The following CDH4 variants were observed in gnomAD, a reference collection of about 807,000 sequenced individuals.
The protein encoded by CDH4 is cadherin-4.
A neutral mutation model predicts 86.0 loss-of-function variants in CDH4; 33 were observed. The observed-to-expected ratio is 0.38, with a 90% CI of 0.29 to 0.51. CDH4 has a LOEUF of 0.51. Among genes scored for constraint, CDH4 ranks in the 20% least tolerant of loss-of-function variants. The pLI is 0.86. For missense variants in CDH4, 1,114 were observed against 1,307.4 expected (o/e 0.85, Z 2.28); for synonymous variants, 555 against 549.4 (o/e 1.01, Z -0.14).
intron 2 of CDH4, among the ~76,000 whole-genome samples, chr20:61,302,969 C>T (rs1174165493): frequency 6.6e-6 from 1 of 152,140 alleles, no homozygotes; most frequent in Admixed American, 6.5e-5. Context: ...ACAGGTGCCT[C>T]CAGAGGCTAG....
At position 61,933,021 on chromosome 20, in the gene CDH4, G is replaced by A. The variant is rs770629902; in HGVS notation, c.2276G>A (p.Arg759Gln). The A allele has an allele frequency of 3.2e-5, 51 of 1,613,192 alleles. No homozygotes were observed. Among genetic ancestry groups the A allele is most frequent in the Non-Finnish European group, 4.1e-5 (48 of 1,180,022 alleles). ...VLLFVMWMKR[R>Q]EKERHTKQLL... ...CTGTTTGTCATGTGGATGAAGCGGC[G>A]AGAGAAGGAGCGCCACACGAAGCAG... The change falls in exon 14 of 16, where the codon CGA becomes CAA. Residue 759 changes from arginine (R) to glutamine (Q), a missense_variant. This residue lies in a region of CDH4 where 705 missense variants were observed against 914.1 expected (regional missense o/e 0.77). Transcript: ENST00000614565.
At chr20:61,828,353 C>G (rs1450489078) in intron 4 of CDH4, among the ~76,000 whole-genome samples, 1 of 152,194 alleles carries the variant, frequency 6.6e-6, no homozygotes. Flanking sequence ...CTGGATCTTA[C>G]CACCATGTGT....
Position 61,296,189 on chromosome 20 carries a change from C to T in CDH4, c.169+41252C>T, listed in dbSNP as rs185543850. Among the ~76,000 whole-genome samples, 1,043 of 143,166 alleles carry T rather than the reference C, an allele frequency of 7.3e-3. 13 individuals are homozygous for T. Among genetic ancestry groups the T allele is most frequent in the African/African-American group, 0.027 (981 of 36,606 alleles). 93.9% of individuals were successfully genotyped at this position (143,166 alleles called of 152,430 possible). On this transcript the variant is annotated intron_variant, in intron 2 of 15. Coordinates refer to ENST00000614565, the MANE Select transcript of CDH4 (RefSeq NM_001794.5). ...TTGTCGAAATAAGTATGAGTGTGTGCGTGTGTGTGTGTGAGAGAGAGACCT... is the reference window on the plus strand; with the variant it reads ...TTGTCGAAATAAGTATGAGTGTGTGTGTGTGTGTGTGTGAGAGAGAGACCT...
At chr20:61,583,010 C>T (rs534822038) in intron 2 of CDH4, among the ~76,000 whole-genome samples, 4 of 152,024 alleles carry the variant, frequency 2.6e-5, no homozygotes, top group South Asian at 2.1e-4. Flanking sequence ...CTGGGCACTG[C>T]GCATGAGAGA....
intron 6 of CDH4, among the ~76,000 whole-genome samples, chr20:61,872,208 G>A (rs1490302349): frequency 5.9e-5 from 9 of 152,230 alleles, no homozygotes; most frequent in Admixed American, 5.9e-4. Flanking sequence ...CACAGGGACA[G>A]CATGGACCCA....
intron 2 of CDH4, among the ~76,000 whole-genome samples, chr20:61,689,697 G>C (rs2087629962): frequency 6.6e-6 from 1 of 151,472 alleles, no homozygotes; most frequent in Non-Finnish European, 1.5e-5. Context: ...AATCAGGCTG[G>C]GACAGTGATT....
chr20:61,910,476 G>T lies in CDH4; in HGVS notation c.1243G>T (p.Val415Leu). The T allele has an allele frequency of 1.2e-6, 2 of 1,613,964 alleles. No homozygotes were observed. Among genetic ancestry groups the T allele is most frequent in the Non-Finnish European group, 1.7e-6 (2 of 1,180,040 alleles). ...RVETVVANLT[V>L]MDRDQPHSPN... ...GGAGACCGTGGTCGCAAACCTCACG[G>T]TGATGGACCGAGATCAGCCCCACTC... Residue 415 changes from valine to leucine, a missense_variant, in exon 9 of 16, where the codon GTG becomes TTG. By Grantham distance (32) the Val-to-Leu change is conservative (BLOSUM62 1). Around this residue, in one of 3 missense-constraint regions of CDH4, gnomAD observed 705 missense variants for 914.1 expected, o/e 0.77. Transcript: ENST00000614565.
chr20:61,704,136 C>T (rs559075456), intron 2 of CDH4, among the ~76,000 whole-genome samples: 1 of 152,198 alleles, frequency 6.6e-6, no homozygotes, highest in East Asian at 1.9e-4. Context: ...GGGGTCAGGA[C>T]AGTCCTCGGC....
At chr20:61,743,273 A>G (rs1212254576) in intron 2 of CDH4, among the ~76,000 whole-genome samples, 1 of 152,274 alleles carries the variant, frequency 6.6e-6, no homozygotes, top group African/African-American at 2.4e-5. Context: ...GAATTCGGAG[A>G]TAACAGCGGC....
At chr20:61,634,839 C>T (rs777712153) in intron 2 of CDH4, among the ~76,000 whole-genome samples, 1 of 152,210 alleles carries the variant, frequency 6.6e-6, no homozygotes, top group Admixed American at 6.5e-5. Flanking sequence ...CCCTGGCAAC[C>T]GCTGTTCCAC....
intron 2 of CDH4, among the ~76,000 whole-genome samples, chr20:61,514,450 ATCT>A (rs1253747011): frequency 6.6e-6 from 1 of 152,194 alleles, no homozygotes; most frequent in South Asian, 2.1e-4. Flanking sequence ...GGGAACGAAC[ATCT>A]TGTGGTTCTA....
At chr20:61,679,810 G>A (rs2087489746) in intron 2 of CDH4, among the ~76,000 whole-genome samples, 1 of 152,232 alleles carries the variant, frequency 6.6e-6, no homozygotes, top group African/African-American at 2.4e-5. Flanking sequence ...TGGACCACAT[G>A]CTAATTCCAC....
At chr20:61,537,805 G>T (rs1423980937) in intron 2 of CDH4, among the ~76,000 whole-genome samples, 2 of 152,200 alleles carry the variant, frequency 1.3e-5, no homozygotes, top group African/African-American at 4.8e-5. Flanking sequence ...AAGCCAAGGG[G>T]CTCTGGAGTT....
intron 7 of CDH4, among the ~76,000 whole-genome samples, chr20:61,889,329 GAT>G: frequency 6.6e-6 from 1 of 151,028 alleles, no homozygotes; most frequent in East Asian, 2.0e-4. Context: ...TGGATGGATG[GAT>G]GGATGGATGG....
At chr20:61,923,260 C>T (rs554191944) in intron 9 of CDH4, among the ~76,000 whole-genome samples, 191 bp from the exon 10 acceptor site, 1 of 152,342 alleles carries the variant, frequency 6.6e-6, no homozygotes, top group African/African-American at 2.4e-5. Flanking sequence ...TCGGCCAAAC[C>T]CAGCAGGAAG....
At position 61,676,096 on chromosome 20, in the gene CDH4, C is replaced by T. The variant is rs957650056; in HGVS notation, c.170-67467C>T. ...CGGTGGGGGGAGCCTCAGCGAGGAC[C>T]GAGTGTGGGGTCCAAGGTCTGAGAC... On this transcript the variant is annotated intron_variant, in intron 2 of 15. Transcript: ENST00000614565. The surrounding 1 kb of genome is among the most constrained non-coding windows in gnomAD (Gnocchi z 4.5). 2.6e-5 allele frequency among the ~76,000 whole-genome samples: 4 copies of T among 152,170 alleles called. No individual in the cohort carries two copies. Among genetic ancestry groups the T allele is most frequent in the African/African-American group, 9.7e-5 (4 of 41,428 alleles).
At chr20:61,433,236 GCA>G (rs1013220857) in intron 2 of CDH4, among the ~76,000 whole-genome samples, 1 of 152,152 alleles carries the variant, frequency 6.6e-6, no homozygotes, top group African/African-American at 2.4e-5. Context: ...AATTGTTGGT[GCA>G]CCATTTGTTC....
At chr20:61,670,985 G>A (rs750119297) in intron 2 of CDH4, among the ~76,000 whole-genome samples, 3 of 152,226 alleles carry the variant, frequency 2.0e-5, no homozygotes, top group Non-Finnish European at 2.9e-5. Context: ...ATAAACTCTG[G>A]TCCCTGCCCT....
chr20:61,789,734 A>G (rs1191400835), intron 4 of CDH4, among the ~76,000 whole-genome samples: 3 of 152,266 alleles, frequency 2.0e-5, no homozygotes, highest in Admixed American at 6.5e-5. Flanking sequence ...AGGGGCTGCA[A>G]GCACAGCGTT....
Sources: gnomAD v4.1 joint callset for allele counts (sites outside exome capture counted in the v4.1 genomes callset) on GRCh38, gnomAD v4.1.1 for gene constraint, gnomAD v4.1.1 regional missense constraint, Gnocchi (gnomAD v3.1) non-coding constraint, MANE v1.5 for transcripts, NCBI Gene and HGNC (gene_info 2026-07-23, HGNC 2026-07-21) for gene names.